The following MKRN2 variants were observed in gnomAD, a reference collection of about 807,000 sequenced individuals.
MKRN2 encodes the protein E3 ubiquitin-protein ligase makorin-2.
In MKRN2, 32 loss-of-function variants were observed where a neutral mutation model predicts 45.4. The observed-to-expected ratio is 0.70, with a 90% CI of 0.53 to 0.95. MKRN2 has a LOEUF of 0.95. Ranked by LOEUF, MKRN2 falls within the 40% of genes least tolerant of loss-of-function variation. MKRN2 has a pLI of 0.00. For missense variants in MKRN2, 526 were observed against 536.7 expected (o/e 0.98, Z 0.20); for synonymous variants, 206 against 192.4 (o/e 1.07, Z -0.59).
chr3:12,582,198 C>T lies in MKRN2; in HGVS notation c.1196C>T (p.Thr399Ile). 6.2e-7 allele frequency: 1 copy of T among 1,614,156 alleles called. No individual in the cohort carries two copies. Among genetic ancestry groups the T allele is most frequent in the Non-Finnish European group, 8.5e-7 (1 of 1,180,044 alleles). ...HVPNNEDVDMTELGDLFMHLS... is the reference protein window; with the variant it reads ...HVPNNEDVDMIELGDLFMHLS... Reference sequence around the variant, plus strand: ...CCCAACAATGAAGATGTCGACATGACAGAGCTCGGGGACCTCTTCATGCAC... The same window carrying T: ...CCCAACAATGAAGATGTCGACATGATAGAGCTCGGGGACCTCTTCATGCAC... Residue 399 changes from threonine (T) to isoleucine (I), a missense_variant, in exon 8 of 8, where the codon ACA (threonine) becomes ATA (isoleucine). Physicochemically the swap from Thr to Ile is moderately conservative, Grantham distance 89. Coordinates refer to ENST00000170447, the MANE Select transcript of MKRN2 (RefSeq NM_014160.5).
At chr3:12,560,047 T>G (rs1424129288) in intron 1 of MKRN2, among the ~76,000 whole-genome samples, 1 of 152,190 alleles carries the variant, frequency 6.6e-6, no homozygotes, top group Non-Finnish European at 1.5e-5. Context: ...TGGTACCACC[T>G]GTGCAACAAC....
At chr3:12,576,904 A>G in intron 6 of MKRN2, 163 bp downstream of exon 6, 1 of 290,776 alleles carries the variant, frequency 3.4e-6, no homozygotes, top group Admixed American at 5.6e-5. Flanking sequence ...GAGCAAGGAC[A>G]TGGTGATGTG....
intron 1 of MKRN2, among the ~76,000 whole-genome samples, chr3:12,558,643 A>C (rs1271617717): frequency 6.6e-6 from 1 of 152,208 alleles, no homozygotes. Flanking sequence ...AAAATTTTAC[A>C]CCTTAGTAGA....
intron 4 of MKRN2, among the ~76,000 whole-genome samples, chr3:12,573,885 T>A (rs979286489): frequency 6.6e-6 from 1 of 150,996 alleles, no homozygotes; most frequent in African/African-American, 2.4e-5. Context: ...AGAGAGAGAC[T>A]CTGTCTCAAA....
At chr3:12,577,017 C>G (rs895671212) in intron 6 of MKRN2, 2 of 170,446 alleles carry the variant, frequency 1.2e-5, no homozygotes, top group Admixed American at 1.4e-4. Flanking sequence ...AATCTCAGCT[C>G]ACTGCAGCCT....
At chr3:12,572,703 C>T (rs1433405123) in intron 4 of MKRN2, among the ~76,000 whole-genome samples, 1 of 151,944 alleles carries the variant, frequency 6.6e-6, no homozygotes, top group African/African-American at 2.4e-5. Flanking sequence ...CCTGCCTCAG[C>T]CCCACCGAGT....
rs757047504 is a variant in MKRN2, at chr3:12,581,945, C to T, written c.1106C>T (p.Thr369Ile). ...CGGAAACAGCTCAGTTCTCAAGGCA[C>T]TGTGAGGGTAAGGACTTTAGCCATC... ...KPRKQLSSQG[T>I]VRFFNSVRLW... The change falls in exon 7 of 8, where the codon ACT (threonine) becomes ATT (isoleucine). Residue 369 changes from threonine (T) to isoleucine (I), a missense_variant. Coordinates refer to ENST00000170447, the MANE Select transcript of MKRN2 (RefSeq NM_014160.5). The T allele has an allele frequency of 1.9e-6, 3 of 1,613,970 alleles. No individual in the cohort carries two copies. The African/African-American group carries it at 4.0e-5, about 22-fold the overall frequency.
chr3:12,577,547 T>G (rs2058149385), intron 6 of MKRN2, among the ~76,000 whole-genome samples: 1 of 152,234 alleles, frequency 6.6e-6, no homozygotes, highest in Non-Finnish European at 1.5e-5. Flanking sequence ...TGACCTCTGT[T>G]GTCTTTTAAG....
chr3:12,576,586 C>A, intron 5 of MKRN2, 45 bp from the exon 6 acceptor site: 2 of 1,407,634 alleles, frequency 1.4e-6, no homozygotes, highest in South Asian at 1.2e-5. Flanking sequence ...TGTGCCCAGG[C>A]TTCGTAACAT....
intron 6 of MKRN2, among the ~76,000 whole-genome samples, chr3:12,579,437 G>C (rs559817722): frequency 5.9e-5 from 9 of 152,306 alleles, no homozygotes; most frequent in African/African-American, 1.9e-4. Context: ...AAAGTGCTAG[G>C]ATTATAGGTG....
chr3:12,566,328 A>G (rs1201600216), intron 1 of MKRN2, among the ~76,000 whole-genome samples: 4 of 151,798 alleles, frequency 2.6e-5, no homozygotes, highest in South Asian at 4.2e-4. Context: ...CCTTTTTTCT[A>G]TTGTCTGAAA....
chr3:12,566,453 T>C (rs2058069383), intron 1 of MKRN2, among the ~76,000 whole-genome samples: 1 of 94,538 alleles, frequency 1.1e-5, no homozygotes. Context: ...AGCAAGTTTG[T>C]TTCTCTCTCT....
At chr3:12,571,932 G>T in intron 3 of MKRN2, 137 bp from the exon 4 acceptor site, 1 of 736,416 alleles carries the variant, frequency 1.4e-6, no homozygotes, top group South Asian at 3.0e-5. Context: ...TTTCCCCTTC[G>T]GTGTGTTTTT....
intron 1 of MKRN2, among the ~76,000 whole-genome samples, chr3:12,561,468 C>A (rs2058035920): frequency 6.6e-6 from 1 of 152,118 alleles, no homozygotes; most frequent in Non-Finnish European, 1.5e-5. Flanking sequence ...AGGAAATTTT[C>A]TGTTCTAATT....
At chr3:12,562,249 G>GTGTTTC (rs1165465823) in intron 1 of MKRN2, among the ~76,000 whole-genome samples, 3 of 152,128 alleles carry the variant, frequency 2.0e-5, no homozygotes, top group African/African-American at 7.2e-5. Flanking sequence ...GAACTACATT[G>GTGTTTC]TACATCAGTT....
At chr3:12,566,747 C>T (rs1176530757) in intron 1 of MKRN2, among the ~76,000 whole-genome samples, 1 of 152,116 alleles carries the variant, frequency 6.6e-6, no homozygotes, top group Non-Finnish European at 1.5e-5. Context: ...GGATTACAGG[C>T]ACCTGCCACC....
chr3:12,575,485 AAATTCTCCAGCAGG>A (rs1416245924), intron 5 of MKRN2, among the ~76,000 whole-genome samples: 2 of 152,166 alleles, frequency 1.3e-5, no homozygotes, highest in Non-Finnish European at 2.9e-5. Context: ...TAGGAGTCTC[AAATTCTCCAGCAGG>A]ACAGGGGAAG....
intron 6 of MKRN2, 49 bp downstream of exon 6, chr3:12,576,790 C>A: frequency 1.5e-6 from 2 of 1,366,730 alleles, no homozygotes; most frequent in Non-Finnish European, 2.1e-6. Flanking sequence ...CCTGGCTCTG[C>A]TGTCAGCCCG....
chr3:12,568,917 A>C lies in MKRN2; in HGVS notation c.69A>C (p.Leu23=), dbSNP rs35388688. 7 of 1,614,002 alleles carry C rather than the reference A, an allele frequency of 4.3e-6. No individual in the cohort carries two copies. The highest frequency in any genetic ancestry group is 5.9e-6 in the Non-Finnish European group (7 of 1,180,006). Residue 23 remains leucine, a synonymous_variant, in exon 2 of 8, where the codon CTA becomes CTC. Transcript: ENST00000170447. ...HGVCREGSQC[L]FSHDLANSKP... is the part of the protein sequence containing the mutation. ...TGTGTCGGGAAGGAAGTCAGTGCCT[A>C]TTCTCACATGACTTGGCAAACAGCA...
Sources: allele counts gnomAD v4.1 joint callset (sites outside exome capture counted in the v4.1 genomes callset), GRCh38; gene constraint gnomAD v4.1.1; transcripts MANE v1.5; gene names NCBI Gene and HGNC (gene_info 2026-07-23, HGNC 2026-07-21).